LTK: variants seen among roughly 807,000 people sequenced by gnomAD.
LTK encodes the protein leukocyte tyrosine kinase receptor.
Under a neutral mutation model 101.5 loss-of-function variants are expected in LTK, and 117 were observed. That is an observed-to-expected ratio of 1.15 (90% CI 0.99 to 1.34). The LOEUF is 1.34. LTK is among the 40% of genes most tolerant of loss of function. LTK has a pLI of 0.00. For missense variants in LTK, 1,252 were observed against 1,164.7 expected, an observed-to-expected ratio of 1.07 and a Z score of -1.09; for synonymous variants, 563 against 494.2, an observed-to-expected ratio of 1.14 and a Z score of -1.85.
At position 41,505,592 on chromosome 15, in the gene LTK, C is replaced by T. The variant is rs534465883; in HGVS notation, c.1698-62G>A. 27 of 1,610,084 alleles carry T rather than the reference C, an allele frequency of 1.7e-5. No individual in the cohort carries two copies. The East Asian group carries it at 2.7e-4, about 16-fold the overall frequency. The stretch of plus-strand genomic sequence containing the variant: ...GGAGACGGAAACCATGTTTTAGGCT[C>T]CACAAAGCTGGAGAGGCCCTCTGTG... On this transcript the variant is annotated intron_variant, in intron 13 of 19. Coordinates refer to ENST00000263800, the MANE Select transcript of LTK (RefSeq NM_002344.6).
At chr15:41,504,745 G>A in intron 17 of LTK, 28 bp downstream of exon 17, 2 of 1,602,280 alleles carry the variant, frequency 1.2e-6, no homozygotes, top group Non-Finnish European at 1.7e-6. Context: ...GGGAACAGTG[G>A]GGAAGGGGAG....
intron 7 of LTK, 49 bp from the exon 8 acceptor site, chr15:41,509,178 G>A (rs1242244128): frequency 8.9e-7 from 1 of 1,120,128 alleles, no homozygotes; most frequent in Non-Finnish European, 1.4e-6. Flanking sequence ...TGGGGGATGG[G>A]GGAGAAGCTG....
chr15:41,513,272 C>T, intron 1 of LTK, 152 bp from the exon 2 acceptor site: 1 of 981,374 alleles, frequency 1.0e-6, no homozygotes, highest in South Asian at 1.6e-5. Flanking sequence ...CACTACCCGA[C>T]TCCGGTCGCA....
In LTK at chr15:41,513,795, G is replaced by A. The variant is rs1229664373; in HGVS notation, c.-86C>T. On this transcript the variant is annotated 5_prime_UTR_variant, in exon 1 of 20. Transcript: ENST00000263800. ...TAAAGTTGACAGCTCATTTTGCCACGGCAGCCCTGGCCACCACTTACAGGG... is the reference window on the plus strand; with the variant it reads ...TAAAGTTGACAGCTCATTTTGCCACAGCAGCCCTGGCCACCACTTACAGGG... 9 of 1,206,380 alleles carry A rather than the reference G, an allele frequency of 7.5e-6. No individual in the cohort carries two copies. The Middle Eastern group carries it at 1.8e-3, about 236-fold the overall frequency. 74.7% of individuals were successfully genotyped at this position (1,206,380 alleles called of 1,614,324 possible). A position where few individuals can be genotyped will look rare whatever the true frequency, so the allele number is the denominator to read the frequency against.
rs542552708 is a variant in LTK, at chr15:41,512,415, T to A, written c.360-150A>T. 13 of 934,168 alleles carry A rather than the reference T, an allele frequency of 1.4e-5. No individual in the cohort carries two copies. In the Admixed American group the frequency reaches 2.0e-4, roughly 15 times the overall value. The allele number at this position is 934,168 out of a possible 1,614,324, so 57.9% of individuals were successfully genotyped here. ...CTCTGACGGGATGGGAAGGGTAGGTTTGCACACCGAAAAATCAGATATTAC... is the reference window on the plus strand; with the variant it reads ...CTCTGACGGGATGGGAAGGGTAGGTATGCACACCGAAAAATCAGATATTAC... On this transcript the variant is annotated intron_variant, in intron 3 of 19. Coordinates refer to ENST00000263800, the MANE Select transcript of LTK (RefSeq NM_002344.6).
intron 17 of LTK, 55 bp downstream of exon 17, chr15:41,504,718 G>A: frequency 6.2e-7 from 1 of 1,603,602 alleles, no homozygotes; most frequent in Non-Finnish European, 8.5e-7. Flanking sequence ...GAAAGGACAG[G>A]ATTAGCCTCA....
chr15:41,511,225 G>T lies in LTK; in HGVS notation c.936C>A (p.Ala312=). ...CCCCGCCGCCGCCCCCGAAGCCGCC[G>T]GCCGCGGCCCAGCCAAGGGTCGCCC... ...EAWATLGWAA[A]GGFGGGGGAC... Residue 312 remains alanine (A), a synonymous_variant, in exon 7 of 20, where the codon GCC becomes GCA. Coordinates refer to ENST00000263800, the MANE Select transcript of LTK (RefSeq NM_002344.6). The surrounding 1 kb of genome is among the most constrained non-coding windows in gnomAD (Gnocchi z 5.9). The T allele has an allele frequency of 2.9e-6, 4 of 1,396,146 alleles. No individual in the cohort carries two copies. Among genetic ancestry groups the T allele is most frequent in the Non-Finnish European group, 3.7e-6 (4 of 1,079,604 alleles). The allele number at this position is 1,396,146 out of a possible 1,614,324, so 86.5% of individuals were successfully genotyped here.
In LTK at chr15:41,505,545, G is replaced by A; in HGVS notation, c.1698-15C>T. On this transcript the variant is annotated splice_polypyrimidine_tract_variant and intron_variant, in intron 13 of 19. Transcript: ENST00000263800. ...GGCGAAACTTGCTGAGTGGGGTGGG[G>A]GACATATCCCGTTACCAGGAGGGAG... is the stretch of plus-strand genomic sequence containing the variant. 1 of 1,613,546 alleles carries A rather than the reference G, an allele frequency of 6.2e-7. No homozygotes were observed.
rs1033711601 is a variant in LTK, at chr15:41,511,007, T to C, written c.997+157A>G. Among the ~76,000 whole-genome samples the C allele has an allele frequency of 5.9e-5, 9 of 152,172 alleles. No individual in the cohort carries two copies. Among genetic ancestry groups the C allele is most frequent in the Admixed American group, 3.3e-4 (5 of 15,286 alleles). ...ATGCTGATTTGCAGTGTATTTGACC[T>C]CCTTTTCTAAGAGCTCCTGCTTTTT... On this transcript the variant is annotated intron_variant, in intron 7 of 19. Coordinates refer to ENST00000263800, the MANE Select transcript of LTK (RefSeq NM_002344.6). The surrounding 1 kb of genome is among the most constrained non-coding windows in gnomAD (Gnocchi z 5.9).
In LTK at chr15:41,505,541, TG is replaced by T; in HGVS notation, c.1698-12del. The T allele has an allele frequency of 3.7e-6, 6 of 1,613,520 alleles. No individual in the cohort carries two copies. Among genetic ancestry groups the T allele is most frequent in the Non-Finnish European group, 2.5e-6 (3 of 1,179,882 alleles). ...TGATGGCGAAACTTGCTGAGTGGGGTGGGGGACATATCCCGTTACCAGGAGG... is the reference window on the plus strand; with the variant it reads ...TGATGGCGAAACTTGCTGAGTGGGGTGGGGACATATCCCGTTACCAGGAGG... On this transcript the variant is annotated splice_polypyrimidine_tract_variant and intron_variant, in intron 13 of 19. Coordinates refer to ENST00000263800, the MANE Select transcript of LTK (RefSeq NM_002344.6).
Position 41,511,950 on chromosome 15 carries a change from C to A in LTK, c.524G>T (p.Ser175Ile). Residue 175 changes from serine (S) to isoleucine (I), a missense_variant, in exon 5 of 20, where the codon AGC (serine) becomes ATC (isoleucine). By Grantham distance (142) the Ser-to-Ile change is moderately radical. Transcript: ENST00000263800. This position sits in a 1 kb window ranked among gnomAD's most constrained non-coding sequence, Gnocchi z 5.9. ...AGACTCCCCGAGGCAGACGAGCTGG[C>A]TCTCCGGGCTACCCTGCGGGCAGCG... ...EDACPGGSPE[S>I]QLVCLGESRA... 6.7e-7 allele frequency: 1 copy of A among 1,487,746 alleles called. No homozygotes were observed. Among genetic ancestry groups the A allele is most frequent in the Non-Finnish European group, 8.8e-7 (1 of 1,133,068 alleles). 92.2% of individuals were successfully genotyped at this position (1,487,746 alleles called of 1,614,324 possible).
At chr15:41,513,532 G>C (rs2051562496) in intron 1 of LTK, 135 bp downstream of exon 1, 2 of 815,206 alleles carry the variant, frequency 2.5e-6, no homozygotes, top group Admixed American at 2.0e-5. Flanking sequence ...CCAGAAGCAC[G>C]GACCGGAGAA....
In LTK at chr15:41,511,213, C is replaced by G. The variant is rs1595468397; in HGVS notation, c.948G>C (p.Gly316=). The change falls in exon 7 of 20, where the codon GGG becomes GGC. Residue 316 remains glycine (G), a synonymous_variant. Coordinates refer to ENST00000263800, the MANE Select transcript of LTK (RefSeq NM_002344.6). The surrounding 1 kb of genome is among the most constrained non-coding windows in gnomAD (Gnocchi z 5.9). ...TLGWAAAGGF[G]GGGGACTAGG... ...CCGCAGTGCAGGCCCCGCCGCCGCCCCCGAAGCCGCCGGCCGCGGCCCAGC... is the reference window on the plus strand; with the variant it reads ...CCGCAGTGCAGGCCCCGCCGCCGCCGCCGAAGCCGCCGGCCGCGGCCCAGC... 7.2e-7 allele frequency: 1 copy of G among 1,389,010 alleles called. No individual in the cohort carries two copies. Among genetic ancestry groups the G allele is most frequent in the East Asian group, 3.1e-5 (1 of 31,870 alleles). The allele number at this position is 1,389,010 out of a possible 1,614,324, so 86.0% of individuals were successfully genotyped here.
intron 7 of LTK, among the ~76,000 whole-genome samples, chr15:41,509,627 G>A (rs932000990): frequency 1.3e-5 from 2 of 152,246 alleles, no homozygotes; most frequent in South Asian, 2.1e-4. Flanking sequence ...TTGGGAGGCC[G>A]ACATGGGCGG....
chr15:41,504,696 A>T, intron 17 of LTK, 56 bp from the exon 18 acceptor site: 2 of 1,601,596 alleles, frequency 1.2e-6, no homozygotes, highest in Non-Finnish European at 1.7e-6. Context: ...CTCCCCTCAC[A>T]TGAGGTGGCT....
At position 41,504,487 on chromosome 15, in the gene LTK, CGGGCAGCACTCAACTCACACAGGCCCT is replaced by C. The variant is rs761505905; in HGVS notation, c.2247_2255+18del. The C allele has an allele frequency of 9.2e-5, 148 of 1,613,348 alleles. No homozygotes were observed. Among genetic ancestry groups the C allele is most frequent in the Non-Finnish European group, 1.2e-4 (141 of 1,179,754 alleles). ...CATGGTTGTGAAGGACCTCCCTTCC[CGGGCAGCACTCAACTCACACAGGCCCT>C]GGGCAGCCCCTAGGAGGGTCCATCC... On this transcript the variant is annotated splice_donor_variant and splice_donor_5th_base_variant and coding_sequence_variant and intron_variant, in exon 18 of 20. Transcript: ENST00000263800. LOFTEE classifies it high-confidence loss of function.
At chr15:41,505,606 A>G in intron 13 of LTK, 76 bp from the exon 14 acceptor site, 1 of 1,607,080 alleles carries the variant, frequency 6.2e-7, no homozygotes. Flanking sequence ...AAAGCTGGAG[A>G]GGCCCTCTGT....
In LTK at chr15:41,503,971, C is replaced by A. The variant is rs1176887930; in HGVS notation, c.*25G>T. ...AGGGAGGGACCCTCAGTGCCTCAGTCCTTACCCTCAGGGCCCCTTGGGGCT... is the reference window on the plus strand; with the variant it reads ...AGGGAGGGACCCTCAGTGCCTCAGTACTTACCCTCAGGGCCCCTTGGGGCT... On this transcript the variant is annotated 3_prime_UTR_variant, in exon 20 of 20. Transcript: ENST00000263800. 1.3e-6 allele frequency: 2 copies of A among 1,572,094 alleles called. No homozygotes were observed. Among genetic ancestry groups the A allele is most frequent in the South Asian group, 1.2e-5 (1 of 84,656 alleles).
intron 11 of LTK, 34 bp from the exon 12 acceptor site, chr15:41,506,039 G>A (rs1460010082): frequency 8.1e-6 from 12 of 1,483,424 alleles, no homozygotes; most frequent in Non-Finnish European, 1.1e-5. Flanking sequence ...GAGTGGGCAG[G>A]CGGCCTGGAG....
Sources: gnomAD v4.1 joint callset for allele counts (sites outside exome capture counted in the v4.1 genomes callset) on GRCh38, gnomAD v4.1.1 for gene constraint, Gnocchi (gnomAD v3.1) non-coding constraint, MANE v1.5 for transcripts, NCBI Gene and HGNC (gene_info 2026-07-23, HGNC 2026-07-21) for gene names.